PEAK1: variants seen among roughly 807,000 people sequenced by gnomAD.
PEAK1 encodes the protein pseudopodium enriched atypical kinase 1.
A neutral mutation model predicts 124.7 loss-of-function variants in PEAK1; 54 were observed. That is an observed-to-expected ratio of 0.43 (90% CI 0.35 to 0.54). The LOEUF (loss-of-function observed/expected upper bound fraction) is 0.54, where lower values mean the gene tolerates loss of function less well. Among genes scored for constraint, PEAK1 ranks in the 20% least tolerant of loss-of-function variants. PEAK1 has a pLI of 0.01. For missense variants in PEAK1, 2,046 were observed against 2,134.5 expected, an observed-to-expected ratio of 0.96 and a Z score of 0.82; for synonymous variants, 719 against 760.0, an observed-to-expected ratio of 0.95 and a Z score of 0.89.
chr15:77,262,461 A>C (rs1480293627), intron 5 of PEAK1, among the ~76,000 whole-genome samples: 1 of 151,474 alleles, frequency 6.6e-6, no homozygotes, highest in Non-Finnish European at 1.5e-5. Flanking sequence ...TTGCAATCCT[A>C]GTCTCTGATA....
chr15:77,242,897 C>T (rs1446430230), intron 6 of PEAK1, among the ~76,000 whole-genome samples: 1 of 152,144 alleles, frequency 6.6e-6, no homozygotes, highest in Non-Finnish European at 1.5e-5. Flanking sequence ...GAAACACTGC[C>T]TATTGTGCCT....
intron 5 of PEAK1, among the ~76,000 whole-genome samples, chr15:77,270,362 T>C (rs1321192634): frequency 1.3e-5 from 2 of 152,164 alleles, no homozygotes; most frequent in East Asian, 1.9e-4. Context: ...GATGACATGA[T>C]TGTATATCTA....
intron 6 of PEAK1, among the ~76,000 whole-genome samples, chr15:77,219,533 T>C (rs1046905964): frequency 6.6e-6 from 1 of 152,118 alleles, no homozygotes; most frequent in Admixed American, 6.6e-5. Context: ...AGTCAGGATA[T>C]ACCTATATAG....
chr15:77,414,084 T>C (rs139518895), intron 1 of PEAK1, among the ~76,000 whole-genome samples: 275 of 152,040 alleles, frequency 1.8e-3, no homozygotes, highest in Non-Finnish European at 3.1e-3. Flanking sequence ...CAGCCTCCCA[T>C]AGTACTGGGA....
At chr15:77,352,912 T>C (rs915796046) in intron 2 of PEAK1, 6 of 985,326 alleles carry the variant, frequency 6.1e-6, no homozygotes, top group Non-Finnish European at 7.2e-6. Context: ...ACATATTTGC[T>C]ATACACAAAT....
At chr15:77,189,340 AATGCATGC>A (rs887893060) in intron 6 of PEAK1, among the ~76,000 whole-genome samples, 2 of 152,234 alleles carry the variant, frequency 1.3e-5, no homozygotes, top group African/African-American at 4.8e-5. Flanking sequence ...AGCCAGGATG[AATGCATGC>A]ATGCACGTAT....
chr15:77,191,846 C>A (rs1218555872), intron 6 of PEAK1, among the ~76,000 whole-genome samples: 2 of 152,110 alleles, frequency 1.3e-5, no homozygotes, highest in South Asian at 2.1e-4. Context: ...AATTAACAAG[C>A]AGGGGCTGAT....
intron 2 of PEAK1, among the ~76,000 whole-genome samples, chr15:77,359,688 T>C (rs2067758007): frequency 6.6e-6 from 1 of 152,160 alleles, no homozygotes; most frequent in South Asian, 2.1e-4. Context: ...AAATTTCACT[T>C]AGAATACTAT....
intron 9 of PEAK1, among the ~76,000 whole-genome samples, chr15:77,120,547 T>G (rs1428417501): frequency 6.6e-6 from 1 of 152,214 alleles, no homozygotes; most frequent in Non-Finnish European, 1.5e-5. Context: ...TTGACTTTTC[T>G]TCTAAATAAC....
intron 2 of PEAK1, among the ~76,000 whole-genome samples, chr15:77,343,260 T>C (rs142479722): frequency 1.3e-5 from 2 of 152,332 alleles, no homozygotes; most frequent in African/African-American, 4.8e-5. Context: ...TGGTCATGAC[T>C]ATTTGTATCT....
intron 9 of PEAK1, among the ~76,000 whole-genome samples, chr15:77,123,362 T>A (rs2052088857): frequency 6.6e-6 from 1 of 152,158 alleles, no homozygotes; most frequent in Admixed American, 6.5e-5. Context: ...AAGCCATAAT[T>A]TTGCCAACTG....
chr15:77,377,122 T>C (rs953841450), intron 1 of PEAK1, among the ~76,000 whole-genome samples: 4 of 152,190 alleles, frequency 2.6e-5, no homozygotes, highest in Non-Finnish European at 4.4e-5. Flanking sequence ...CAGTGGCTCA[T>C]GCCTGTAATC....
exon 7 of PEAK1, chr15:77,103,004 G>A (rs545471902): frequency 1.3e-5 from 2 of 152,146 alleles, no homozygotes; most frequent in African/African-American, 2.4e-5. Flanking sequence ...CTCATATTTT[G>A]TTGTTTAGTC....
intron 2 of PEAK1, chr15:77,336,144 A>G: frequency 1.0e-6 from 1 of 985,438 alleles, no homozygotes; most frequent in South Asian, 4.7e-5. Context: ...TCTCCAAAAG[A>G]CAGATGAGCA....
chr15:77,342,167 A>C (rs1250473998), intron 2 of PEAK1, among the ~76,000 whole-genome samples: 2 of 151,356 alleles, frequency 1.3e-5, no homozygotes, highest in East Asian at 3.9e-4. Context: ...AAAAAAAAAA[A>C]AAAAAACACA....
chr15:77,271,750 G>A (rs2062044953), intron 5 of PEAK1, among the ~76,000 whole-genome samples: 1 of 152,140 alleles, frequency 6.6e-6, no homozygotes, highest in Admixed American at 6.5e-5. Flanking sequence ...TTGGACACAG[G>A]AAGGAGAACA....
chr15:77,155,389 A>C (rs1181738472), intron 8 of PEAK1: 2 of 151,816 alleles, frequency 1.3e-5, no homozygotes, highest in African/African-American at 4.8e-5. Flanking sequence ...CATTCGTCTA[A>C]TTTTTTTTCA....
intron 5 of PEAK1, among the ~76,000 whole-genome samples, chr15:77,274,554 A>G (rs1035235694): frequency 1.3e-5 from 2 of 152,160 alleles, no homozygotes; most frequent in Non-Finnish European, 2.9e-5. Flanking sequence ...TCAAAACCAC[A>G]ATGAGATACT....
At chr15:77,290,042 A>G (rs1265419396) in intron 2 of PEAK1, among the ~76,000 whole-genome samples, 1 of 152,118 alleles carries the variant, frequency 6.6e-6, no homozygotes, top group East Asian at 1.9e-4. Context: ...GATTCAGCTC[A>G]CCGCAACCTC....
Sources: allele counts gnomAD v4.1 joint callset (sites outside exome capture counted in the v4.1 genomes callset), GRCh38; gene constraint gnomAD v4.1.1; transcripts MANE v1.5; gene names NCBI Gene and HGNC (gene_info 2026-07-23, HGNC 2026-07-21).